LONP2: variants seen among roughly 807,000 people sequenced by gnomAD.
LONP2 encodes lon protease homolog 2, peroxisomal.
LONP2 carries 60 observed loss-of-function variants against 85.6 expected under a neutral mutation model. The ratio of observed to expected loss-of-function variants is 0.70; its 90% CI spans 0.57 to 0.87. LONP2 has a LOEUF of 0.87. LONP2 is among the 40% of genes least tolerant of loss of function. The pLI, the probability that LONP2 is intolerant of heterozygous loss-of-function variation, is 0.00. For synonymous variants in LONP2, 395 were observed against 389.7 expected (o/e 1.01, Z -0.16); for missense variants, 860 against 1,063.5 (o/e 0.81, Z 2.66).
intron 8 of LONP2, among the ~76,000 whole-genome samples, chr16:48,294,673 G>A (rs545517158): frequency 8.5e-5 from 13 of 152,278 alleles, no homozygotes; most frequent in Admixed American, 4.6e-4. Flanking sequence ...GGCAAAGATT[G>A]TAGTGAGCTG....
At chr16:48,274,475 C>T (rs1045210109) in intron 7 of LONP2, among the ~76,000 whole-genome samples, 6 of 151,930 alleles carry the variant, frequency 3.9e-5, no homozygotes, top group Non-Finnish European at 8.8e-5. Flanking sequence ...GACGAGTACA[C>T]CCATACAAAT....
rs759704191 is a variant in LONP2, at chr16:48,351,552, AC to A, written c.2338-26del. Reference sequence around the variant, plus strand: ...TCTTTCAGCTTGAGGGTGATCATTAACCCTAAAAACTTTTTTCTCTCCTTAC... The same window carrying A: ...TCTTTCAGCTTGAGGGTGATCATTAACCTAAAAACTTTTTTCTCTCCTTAC... On this transcript the variant is annotated intron_variant, in intron 14 of 14. Transcript: ENST00000285737. 5.0e-6 allele frequency: 8 copies of A among 1,593,338 alleles called. No individual in the cohort carries two copies. The East Asian group carries it at 1.3e-4, about 27-fold the overall frequency.
chr16:48,285,239 G>A (rs1275653879), intron 8 of LONP2, among the ~76,000 whole-genome samples: 2 of 151,906 alleles, frequency 1.3e-5, no homozygotes, highest in Admixed American at 1.3e-4. Flanking sequence ...TATGCCTAAT[G>A]AGGGCAGCAT....
At chr16:48,323,193 T>C (rs1211216971) in intron 11 of LONP2, among the ~76,000 whole-genome samples, 3 of 152,216 alleles carry the variant, frequency 2.0e-5, no homozygotes, top group African/African-American at 7.2e-5. Flanking sequence ...GAAAGCTCTA[T>C]TTTACTTACT....
At chr16:48,259,071 A>G (rs1971823020) in intron 4 of LONP2, among the ~76,000 whole-genome samples, 1 of 152,204 alleles carries the variant, frequency 6.6e-6, no homozygotes, top group Non-Finnish European at 1.5e-5. Flanking sequence ...ATACTAAGAA[A>G]CTAATACAAA....
intron 1 of LONP2, among the ~76,000 whole-genome samples, chr16:48,249,344 G>A (rs915662462): frequency 6.6e-6 from 1 of 152,122 alleles, no homozygotes; most frequent in Non-Finnish European, 1.5e-5. Context: ...GCCTAATAAT[G>A]CACATACAAT....
intron 12 of LONP2, chr16:48,344,096 A>G (rs775781061): frequency 6.6e-5 from 10 of 152,166 alleles, no homozygotes; most frequent in Non-Finnish European, 1.0e-4. Flanking sequence ...ATAAAACACA[A>G]ATTGTTTTGT....
intron 12 of LONP2, among the ~76,000 whole-genome samples, chr16:48,336,782 T>C (rs541371810): frequency 2.0e-5 from 3 of 152,350 alleles, no homozygotes; most frequent in South Asian, 4.1e-4. Context: ...CTTCACTTGC[T>C]TCAGGCCATC....
At chr16:48,260,433 C>T (rs1180805389) in intron 4 of LONP2, among the ~76,000 whole-genome samples, 1 of 151,692 alleles carries the variant, frequency 6.6e-6, no homozygotes, top group African/African-American at 2.4e-5. Flanking sequence ...CTCATCTTTA[C>T]AAAAAAAATT....
chr16:48,284,535 A>T (rs887101039), intron 8 of LONP2, among the ~76,000 whole-genome samples: 20 of 152,218 alleles, frequency 1.3e-4, no homozygotes, highest in Non-Finnish European at 2.4e-4. Context: ...CACCAGCAAA[A>T]TGACAACAAC....
rs773269102 is a variant in LONP2, at chr16:48,347,490, ATTC to A, written c.1939-8_1939-6del. 8.1e-5 allele frequency: 130 copies of A among 1,613,852 alleles called. No homozygotes were observed. Among genetic ancestry groups the A allele is most frequent in the African/African-American group, 3.6e-4 (27 of 74,920 alleles). On this transcript the variant is annotated splice_polypyrimidine_tract_variant and intron_variant, in intron 12 of 14. Coordinates refer to ENST00000285737, the MANE Select transcript of LONP2 (RefSeq NM_031490.5). ...AGCATTTGCCAACCCAACTCTGATCATTCTTCTTCTTTCAAGGTATCTCAGCGT... is the reference window on the plus strand; with the variant it reads ...AGCATTTGCCAACCCAACTCTGATCATTCTTCTTTCAAGGTATCTCAGCGT...
At chr16:48,359,196 T>G (rs1960484217), downstream of LONP2, among the ~76,000 whole-genome samples, 3 of 152,006 alleles carry the variant, frequency 2.0e-5, no homozygotes, top group South Asian at 6.2e-4. Context: ...ACTCCTGACC[T>G]TAAGTGATCC....
chr16:48,248,724 T>A (rs868726548), intron 1 of LONP2, among the ~76,000 whole-genome samples: 2 of 151,818 alleles, frequency 1.3e-5, no homozygotes, highest in South Asian at 2.1e-4. Flanking sequence ...AGTAAAAAAA[T>A]TTTTTAAAAG....
intron 6 of LONP2, 24 bp from the exon 7 acceptor site, chr16:48,269,992 T>G: frequency 6.3e-7 from 1 of 1,594,186 alleles, no homozygotes; most frequent in Non-Finnish European, 8.5e-7. Flanking sequence ...GTGTTCTAAT[T>G]ATTTCTGTTG....
intron 8 of LONP2, among the ~76,000 whole-genome samples, chr16:48,278,027 G>GT (rs1241708426): frequency 1.4e-5 from 2 of 146,280 alleles, no homozygotes; most frequent in Non-Finnish European, 1.5e-5. Flanking sequence ...TTTTTTTCTT[G>GT]TTTTTTTGTT....
intron 8 of LONP2, among the ~76,000 whole-genome samples, chr16:48,286,485 A>G (rs1371409995): frequency 1.3e-5 from 2 of 151,814 alleles, no homozygotes; most frequent in East Asian, 3.9e-4. Flanking sequence ...TGTCTTCCTT[A>G]GGGATGGTTT....
chr16:48,326,059 A>G (rs1179756794), intron 11 of LONP2, among the ~76,000 whole-genome samples: 1 of 152,216 alleles, frequency 6.6e-6, no homozygotes, highest in Non-Finnish European at 1.5e-5. Context: ...TTAGATATAA[A>G]TGGAGGGTTA....
chr16:48,261,067 A>G (rs1422768305), intron 4 of LONP2, among the ~76,000 whole-genome samples: 1 of 152,204 alleles, frequency 6.6e-6, no homozygotes, highest in African/African-American at 2.4e-5. Context: ...CCAAATGGTA[A>G]GAAGTAATGT....
intron 4 of LONP2, among the ~76,000 whole-genome samples, chr16:48,259,520 C>A (rs1186024484): frequency 1.3e-5 from 2 of 152,212 alleles, no homozygotes; most frequent in African/African-American, 2.4e-5. Context: ...AATGGCATTT[C>A]TCTGAAGGTG....
Sources: allele counts gnomAD v4.1 joint callset (sites outside exome capture counted in the v4.1 genomes callset), GRCh38; gene constraint gnomAD v4.1.1; transcripts MANE v1.5; gene names NCBI Gene and HGNC (gene_info 2026-07-23, HGNC 2026-07-21).